Variants in CSNK1D observed in about 807,000 individuals in gnomAD.
CSNK1D encodes casein kinase 1 delta, also known as casein kinase I isoform delta.
A neutral mutation model predicts 46.6 loss-of-function variants in CSNK1D; 16 were observed. That is an observed-to-expected ratio of 0.34 (90% confidence interval 0.23 to 0.52). The LOEUF is 0.52. Ranked by LOEUF, CSNK1D falls within the 20% of genes least tolerant of loss-of-function variation. CSNK1D has a pLI of 0.95. For synonymous variants in CSNK1D, 276 were observed against 228.2 expected, an observed-to-expected ratio of 1.21 and a Z score of -1.89; for missense variants, 398 against 578.4, an observed-to-expected ratio of 0.69 and a Z score of 3.20.
At chr17:82,267,536 A>G (rs968166061) in intron 1 of CSNK1D, among the ~76,000 whole-genome samples, 2 of 152,200 alleles carry the variant, frequency 1.3e-5, no homozygotes, top group African/African-American at 4.8e-5. Flanking sequence ...ACCATTCTAG[A>G]TTTAAGAACG....
At chr17:82,262,589 CT>C (rs955066369) in intron 2 of CSNK1D, among the ~76,000 whole-genome samples, 1 of 152,110 alleles carries the variant, frequency 6.6e-6, no homozygotes, top group Non-Finnish European at 1.5e-5. Context: ...GCTTGCTGCC[CT>C]TTTTTTCAGA....
chr17:82,245,793 C>G (rs1305025341), intron 8 of CSNK1D, among the ~76,000 whole-genome samples: 1 of 152,242 alleles, frequency 6.6e-6, no homozygotes. Flanking sequence ...AGCCTCCCCC[C>G]AAGACTGGGC....
chr17:82,245,085 C>T lies in CSNK1D; in HGVS notation c.1198-254G>A, dbSNP rs754493454. ...CCCGCGGAGCCGGGCTCGGCAGGGT[C>T]GAAGGATCCGAGTGGAGCGGAGACG... On this transcript the variant is annotated intron_variant, in intron 8 of 8. Coordinates refer to ENST00000314028, the MANE Select transcript of CSNK1D (RefSeq NM_001893.6). 10 of 605,962 alleles carry T rather than the reference C, an allele frequency of 1.7e-5. No homozygotes were observed. The Admixed American group carries it at 1.7e-4, about 10-fold the overall frequency. 37.5% of individuals were successfully genotyped at this position (605,962 alleles called of 1,614,324 possible).
chr17:82,273,151 G>C lies in CSNK1D; in HGVS notation c.76+155C>G, dbSNP rs2051681231. The stretch of plus-strand genomic sequence containing the variant: ...GCCCTCCCCACCCCTGGCCGCGCTA[G>C]CCTAGTGGCCGTTGGGTTCTGGCCA... On this transcript the variant is annotated intron_variant, in intron 1 of 8. Coordinates refer to ENST00000314028, the MANE Select transcript of CSNK1D (RefSeq NM_001893.6). The surrounding 1 kb of genome is among the most constrained non-coding windows in gnomAD (Gnocchi z 5.1). 1 of 685,548 alleles carries C rather than the reference G, an allele frequency of 1.5e-6. No individual in the cohort carries two copies. Among genetic ancestry groups the C allele is most frequent in the Non-Finnish European group, 2.4e-6 (1 of 423,338 alleles). The allele number at this position is 685,548 out of a possible 1,614,324, so 42.5% of individuals were successfully genotyped here.
At chr17:82,247,197 G>A (rs1008916669) in intron 8 of CSNK1D, 2 of 985,328 alleles carry the variant, frequency 2.0e-6, no homozygotes, top group East Asian at 1.1e-4. Flanking sequence ...AGCCCACGTT[G>A]TATTTCCTCA....
At position 82,248,474 on chromosome 17, in the gene CSNK1D, C is replaced by T. The variant is rs2050907200; in HGVS notation, c.1197+401G>A. On this transcript the variant is annotated intron_variant, in intron 8 of 8. Transcript: ENST00000314028. The surrounding 1 kb of genome is among the most constrained non-coding windows in gnomAD (Gnocchi z 4.1). ...GTCCCTACGGGCCTCCATCCCTGGC[C>T]AGTGGCAAGAATGAGGAAGAATGAG... 2.8e-6 allele frequency: 3 copies of T among 1,083,530 alleles called. No individual in the cohort carries two copies. The South Asian group carries it at 7.6e-5, about 27-fold the overall frequency. 67.1% of individuals were successfully genotyped at this position (1,083,530 alleles called of 1,614,324 possible). A position where few individuals can be genotyped will look rare whatever the true frequency, so the allele number is the denominator to read the frequency against.
At chr17:82,267,828 C>T (rs2051517304) in intron 1 of CSNK1D, among the ~76,000 whole-genome samples, 1 of 152,256 alleles carries the variant, frequency 6.6e-6, no homozygotes, top group African/African-American at 2.4e-5. Flanking sequence ...CCCTCGCCAG[C>T]TGGCAGCCCA....
chr17:82,260,786 T>C (rs1320196365), intron 2 of CSNK1D: 1 of 154,094 alleles, frequency 6.5e-6, no homozygotes, highest in Non-Finnish European at 1.4e-5. Context: ...GATGGTGTAC[T>C]GAGTGATGAG....
rs919586360 is a variant in CSNK1D, at chr17:82,251,854, C to T, written c.737-327G>A. The stretch of plus-strand genomic sequence containing the variant: ...AAAAAAAAAAAAAAAAGTTCTAGAG[C>T]GTGGTGGCGGGCGCCTGTAGTCCCA... On this transcript the variant is annotated intron_variant, in intron 5 of 8. Coordinates refer to ENST00000314028, the MANE Select transcript of CSNK1D (RefSeq NM_001893.6). The surrounding 1 kb of genome is among the most constrained non-coding windows in gnomAD (Gnocchi z 4.5). 7.3e-5 allele frequency: 26 copies of T among 356,576 alleles called. No individual in the cohort carries two copies. In the East Asian group the frequency reaches 1.3e-3, roughly 18 times the overall value. The allele number at this position is 356,576 out of a possible 1,614,324, so 22.1% of individuals were successfully genotyped here.
chr17:82,246,948 G>A, intron 8 of CSNK1D: 1 of 985,528 alleles, frequency 1.0e-6, no homozygotes, highest in Non-Finnish European at 1.2e-6. Context: ...CAAAACGGGA[G>A]CTGCTGCTCA....
chr17:82,270,859 C>G (rs1447861342), intron 1 of CSNK1D, among the ~76,000 whole-genome samples: 1 of 152,212 alleles, frequency 6.6e-6, no homozygotes, highest in Non-Finnish European at 1.5e-5. Context: ...GGTGTCAGAG[C>G]CACAGCCGCC....
rs1008388230 is a variant in CSNK1D, at chr17:82,251,690, C to A, written c.737-163G>T. 1 of 805,192 alleles carries A rather than the reference C, an allele frequency of 1.2e-6. No homozygotes were observed. 49.9% of individuals were successfully genotyped at this position (805,192 alleles called of 1,614,324 possible). ...AAGACCTGAAGCCTTGAGAAAGCATCGAAAAGTATTCAAGTCACGGCCGGG... is the reference window on the plus strand; with the variant it reads ...AAGACCTGAAGCCTTGAGAAAGCATAGAAAAGTATTCAAGTCACGGCCGGG... On this transcript the variant is annotated intron_variant, in intron 5 of 8. Transcript: ENST00000314028. The surrounding 1 kb of genome is among the most constrained non-coding windows in gnomAD (Gnocchi z 4.5).
In CSNK1D at chr17:82,261,720, G is replaced by A. The variant is rs973136937; in HGVS notation, c.187+3966C>T. Among the ~76,000 whole-genome samples, 3 of 152,334 alleles carry A rather than the reference G, an allele frequency of 2.0e-5. No individual in the cohort carries two copies. The South Asian group carries it at 6.2e-4, about 32-fold the overall frequency. On this transcript the variant is annotated intron_variant, in intron 2 of 8. Transcript: ENST00000314028. Reference sequence around the variant, plus strand: ...CTCCACAGGGAGTGTTCCCTCTCAGGTGGGCAGGGCAGGGTCCTGGTTGTT... The same window carrying A: ...CTCCACAGGGAGTGTTCCCTCTCAGATGGGCAGGGCAGGGTCCTGGTTGTT...
chr17:82,242,399 ACT>A (rs2050753629), downstream of CSNK1D, among the ~76,000 whole-genome samples: 1 of 151,878 alleles, frequency 6.6e-6, no homozygotes, highest in Admixed American at 6.6e-5. Context: ...GAAGGCAGGG[ACT>A]CTCCAGAACC....
At position 82,252,458 on chromosome 17, in the gene CSNK1D, C is replaced by T. The variant is rs765104663; in HGVS notation, c.712G>A (p.Glu238Lys). ...ISEKKMSTPI[E>K]VLCKGYPSEF... ...CAAGGGTAGCCTTTACACAACACTT[C>T]GATGGGGGTGGACATTTTCTTCTCG... The change falls in exon 5 of 9, where the codon GAA (glutamate) becomes AAA (lysine). Residue 238 changes from glutamate (E) to lysine (K), a missense_variant. By Grantham distance (56) the Glu-to-Lys change is moderately conservative. Around this residue, in one of 2 missense-constraint regions of CSNK1D, gnomAD observed 217 missense variants for 370.3 expected, o/e 0.59. Coordinates refer to ENST00000314028, the MANE Select transcript of CSNK1D (RefSeq NM_001893.6). The surrounding 1 kb of genome is among the most constrained non-coding windows in gnomAD (Gnocchi z 4.6). The T allele has an allele frequency of 1.9e-6, 3 of 1,614,128 alleles. No homozygotes were observed. The highest frequency in any genetic ancestry group is 2.2e-5 in the East Asian group (1 of 44,878).
chr17:82,267,438 A>G (rs1301138453), intron 1 of CSNK1D, among the ~76,000 whole-genome samples: 1 of 152,200 alleles, frequency 6.6e-6, no homozygotes, highest in Non-Finnish European at 1.5e-5. Flanking sequence ...AGATGGCGGC[A>G]TGAGATGTGC....
At chr17:82,240,094 C>G (rs191949364), downstream of CSNK1D, 441 of 1,231,360 alleles carry the variant, frequency 3.6e-4, no homozygotes, top group African/African-American at 6.2e-3. Context: ...AAGTGCACAT[C>G]TCAGGTCCAG....
chr17:82,273,726 C>T, upstream of CSNK1D: 1 of 484,244 alleles, frequency 2.1e-6, no homozygotes, highest in Non-Finnish European at 3.6e-6. This position sits in a 1 kb window ranked among gnomAD's most constrained non-coding sequence, Gnocchi z 5.1. Flanking sequence ...AGCAACCCGG[C>T]GGGGCGGGGC....
intron 2 of CSNK1D, among the ~76,000 whole-genome samples, chr17:82,257,537 C>T (rs1178119176): frequency 6.6e-6 from 1 of 152,174 alleles, no homozygotes; most frequent in Non-Finnish European, 1.5e-5. Flanking sequence ...AAGAACAAAA[C>T]ACACACCCTC....
Sources: allele counts gnomAD v4.1 joint callset (sites outside exome capture counted in the v4.1 genomes callset), GRCh38; gene constraint gnomAD v4.1.1; regional missense constraint gnomAD v4.1.1; non-coding constraint Gnocchi (gnomAD v3.1); transcripts MANE v1.5; gene names NCBI Gene and HGNC (gene_info 2026-07-23, HGNC 2026-07-21).